NLRC3: variants seen among roughly 807,000 people sequenced by gnomAD.
NLRC3 encodes NLR family CARD domain-containing protein 3.
In NLRC3, 87 loss-of-function variants were observed where a neutral mutation model predicts 91.6. The observed-to-expected ratio is 0.95, with a 90% confidence interval of 0.80 to 1.14. NLRC3 has a LOEUF of 1.14. Among genes scored for constraint, NLRC3 ranks in the 50% most tolerant of loss-of-function variants. The pLI is 0.00. For missense variants in NLRC3, 1,577 were observed against 1,418.6 expected, an observed-to-expected ratio of 1.11 and a Z score of -1.79; for synonymous variants, 694 against 625.3, an observed-to-expected ratio of 1.11 and a Z score of -1.64.
rs534344755 is a variant in NLRC3 at position 3,548,136 on chromosome 16, C to G, written c.2770G>C (p.Asp924His). The G allele has an allele frequency of 2.2e-5, 35 of 1,579,766 alleles. No individual in the cohort carries two copies. The highest frequency in any genetic ancestry group is 2.2e-4 in the African/African-American group (16 of 74,406). Residue 924 changes from aspartate (D) to histidine (H), a missense_variant and splice_region_variant, in exon 15 of 20, where the codon GAT becomes CAT. Asp to His is a moderately conservative substitution (Grantham distance 81). Transcript: ENST00000359128. ...LQLNRSLTSL[D>H]LQENAIGDDG... Reference sequence around the variant, plus strand: ...CAGCCCCTGGGCAGGCCAACTTACTCTAAGCTGGTGAGGCTCCTGTTGAGC... The same window carrying G: ...CAGCCCCTGGGCAGGCCAACTTACTGTAAGCTGGTGAGGCTCCTGTTGAGC...
At chr16:3,550,203 T>C (rs1407557451) in intron 11 of NLRC3, among the ~76,000 whole-genome samples, 3 of 152,168 alleles carry the variant, frequency 2.0e-5, no homozygotes, top group Admixed American at 2.0e-4. Flanking sequence ...CACTTGGAGC[T>C]CATCATTCCA....
chr16:3,540,122 G>T lies in NLRC3; in HGVS notation c.*1703C>A, dbSNP rs2038339581. 1 of 152,186 alleles carries T rather than the reference G, an allele frequency of 6.6e-6. No individual in the cohort carries two copies. Among genetic ancestry groups the T allele is most frequent in the Non-Finnish European group, 1.5e-5 (1 of 68,034 alleles). 9.4% of individuals were successfully genotyped at this position (152,186 alleles called of 1,614,324 possible). A position where few individuals can be genotyped will look rare whatever the true frequency, so the allele number is the denominator to read the frequency against. The stretch of plus-strand genomic sequence containing the variant: ...TGTCACTTCTGTTGAGGCTGCATTT[G>T]CCAGATTTCAGATTAAGGTACCTTT... On this transcript the variant is annotated 3_prime_UTR_variant, in exon 20 of 20. Coordinates refer to ENST00000359128, the MANE Select transcript of NLRC3 (RefSeq NM_178844.4).
At chr16:3,575,125 C>T (rs1285956597) in intron 1 of NLRC3, among the ~76,000 whole-genome samples, 1 of 152,124 alleles carries the variant, frequency 6.6e-6, no homozygotes, top group Non-Finnish European at 1.5e-5. Context: ...ATCTGGCATC[C>T]CTGCTCAGGC....
At chr16:3,560,678 C>G (rs112905014) in intron 6 of NLRC3, among the ~76,000 whole-genome samples, 16 of 152,250 alleles carry the variant, frequency 1.1e-4, no homozygotes, top group Middle Eastern at 3.4e-3. Context: ...GAGTCTCACT[C>G]TGTCACCCAG....
intron 1 of NLRC3, among the ~76,000 whole-genome samples, chr16:3,573,052 T>A (rs1316670753): frequency 3.4e-5 from 5 of 145,348 alleles, no homozygotes; most frequent in Non-Finnish European, 6.0e-5. Flanking sequence ...TAGGAATAAA[T>A]CTAGCAAAAT....
intron 1 of NLRC3, among the ~76,000 whole-genome samples, chr16:3,573,541 C>T (rs1310603559): frequency 6.6e-6 from 1 of 152,190 alleles, no homozygotes; most frequent in Non-Finnish European, 1.5e-5. Flanking sequence ...GGTCCTCTGT[C>T]CTTCACTGTG....
At chr16:3,551,672 C>T (rs896010889) in intron 10 of NLRC3, among the ~76,000 whole-genome samples, 1 of 151,744 alleles carries the variant, frequency 6.6e-6, no homozygotes, top group African/African-American at 2.4e-5. Context: ...TCCATCTATC[C>T]ATCCATCCTT....
intron 9 of NLRC3, among the ~76,000 whole-genome samples, chr16:3,552,559 G>A (rs930828108): frequency 3.1e-4 from 47 of 152,096 alleles, no homozygotes; most frequent in African/African-American, 9.9e-4. Context: ...GCAACCTCCC[G>A]AATGGGGACC....
chr16:3,547,757 C>T (rs1245264044), intron 15 of NLRC3, among the ~76,000 whole-genome samples: 1 of 152,134 alleles, frequency 6.6e-6, no homozygotes, highest in African/African-American at 2.4e-5. Flanking sequence ...CAACCTGTGC[C>T]TCCTGAGTTT....
chr16:3,560,460 C>A (rs576093856), intron 6 of NLRC3, among the ~76,000 whole-genome samples: 2 of 152,130 alleles, frequency 1.3e-5, no homozygotes, highest in South Asian at 4.2e-4. Flanking sequence ...CTTGGGTTCT[C>A]TTCTCCAAAC....
intron 1 of NLRC3, 77 bp downstream of exon 1, chr16:3,577,071 CT>C: frequency 1.4e-6 from 1 of 702,682 alleles, no homozygotes; most frequent in Non-Finnish European, 2.6e-6. Flanking sequence ...TAGCTCAGGC[CT>C]TAAGGCCACT....
intron 18 of NLRC3, 49 bp from the exon 19 acceptor site, chr16:3,542,323 G>T: frequency 8.6e-7 from 1 of 1,166,670 alleles, no homozygotes; most frequent in Non-Finnish European, 1.3e-6. Context: ...AGGGCAGAAG[G>T]AAAACACCCG....
At chr16:3,550,567 A>G (rs2038940258) in intron 10 of NLRC3, 70 bp from the exon 11 acceptor site, 7 of 1,158,710 alleles carry the variant, frequency 6.0e-6, no homozygotes, top group Middle Eastern at 1.9e-4. Flanking sequence ...GAGGGATCAG[A>G]GTCAGGGAAG....
chr16:3,550,243 T>A (rs746852464), intron 11 of NLRC3, among the ~76,000 whole-genome samples, 171 bp downstream of exon 11: 13 of 152,162 alleles, frequency 8.5e-5, no homozygotes, highest in Non-Finnish European at 1.8e-4. Flanking sequence ...CAGCCCCCAC[T>A]GTCTAGGGAA....
chr16:3,553,936 G>A lies in NLRC3; in HGVS notation c.2267+306C>T, dbSNP rs549358600. 2.0e-3 allele frequency among the ~76,000 whole-genome samples: 299 copies of A among 149,362 alleles called. 3 individuals are homozygous for A. Among genetic ancestry groups the A allele is most frequent in the African/African-American group, 6.6e-3 (269 of 40,656 alleles). ...TTTTTTTTTTTTTTTTAGTAGAGAC[G>A]GTGTTTTACTATTTTGGCCCGGCTG... On this transcript the variant is annotated intron_variant, in intron 9 of 19. Transcript: ENST00000359128.
In NLRC3 at chr16:3,557,634, C is replaced by T. The variant is rs747163444; in HGVS notation, c.2058G>A (p.Leu686=). ...TTCTGTTGACCAAGAGGGATCTGGC[C>T]AGAGCTTTGGCCCCTTTGTTACTGA... The part of the protein sequence containing the change: ...NQISNKGAKA[L]ARSLLVNRSL... The change falls in exon 7 of 20, where the codon CTG becomes CTA. Residue 686 remains leucine, a synonymous_variant. Transcript: ENST00000359128. The T allele has an allele frequency of 5.0e-6, 8 of 1,613,602 alleles. No individual in the cohort carries two copies. The highest frequency in any genetic ancestry group is 2.5e-6 in the Non-Finnish European group (3 of 1,179,760).
Position 3,543,491 on chromosome 16 carries a change from A to G in NLRC3, c.2873T>C (p.Ile958Thr). 2 of 1,612,994 alleles carry G rather than the reference A, an allele frequency of 1.2e-6. No homozygotes were observed. Among genetic ancestry groups the G allele is most frequent in the Non-Finnish European group, 1.7e-6 (2 of 1,179,534 alleles). The change falls in exon 17 of 20, where the codon ATT becomes ACT. Residue 958 changes from isoleucine (I) to threonine (T), a missense_variant. By Grantham distance (89) the Ile-to-Thr change is moderately conservative (BLOSUM62 -1). Coordinates refer to ENST00000359128, the MANE Select transcript of NLRC3 (RefSeq NM_178844.4). ...LTALYLQVAS[I>T]GASGAQVLGE... ...TAGCACCTGGGCGCCTGAAGCACCA[A>G]TTGAGGCCACCTGGAGACTGGGGCG...
intron 10 of NLRC3, 67 bp from the exon 11 acceptor site, chr16:3,550,564 C>A: frequency 8.3e-7 from 1 of 1,210,492 alleles, no homozygotes; most frequent in Non-Finnish European, 1.2e-6. Flanking sequence ...GCAGAGGGAT[C>A]AGAGTCAGGG....
chr16:3,545,735 A>T (rs2038659358), intron 15 of NLRC3: 1 of 152,244 alleles, frequency 6.6e-6, no homozygotes, highest in Admixed American at 6.5e-5. Context: ...ACCCGAACCC[A>T]AAGTGGGGAG....
Sources: allele counts gnomAD v4.1 joint callset (sites outside exome capture counted in the v4.1 genomes callset), GRCh38; gene constraint gnomAD v4.1.1; transcripts MANE v1.5; gene names NCBI Gene and HGNC (gene_info 2026-07-23, HGNC 2026-07-21).